TMEM161B: variants seen among roughly 807,000 people sequenced by gnomAD.
TMEM161B encodes transmembrane protein 161B.
Under a neutral mutation model 61.8 loss-of-function variants are expected in TMEM161B, and 34 were observed. The observed-to-expected ratio is 0.55, with a 90% CI of 0.42 to 0.73. TMEM161B has a LOEUF of 0.73. Ranked by LOEUF, TMEM161B falls within the 30% of genes least tolerant of loss-of-function variation. The probability of loss-of-function intolerance (pLI) is 0.00; values close to 1 mark genes in which losing one functional copy is unlikely to be tolerated. For missense variants in TMEM161B, 456 were observed against 558.5 expected, an observed-to-expected ratio of 0.82 and a Z score of 1.85; for synonymous variants, 167 against 192.8, an observed-to-expected ratio of 0.87 and a Z score of 1.11.
Position 88,196,114 on chromosome 5 carries a change from A to C in TMEM161B, c.*97T>G. On this transcript the variant is annotated 3_prime_UTR_variant, in exon 12 of 12. Coordinates refer to ENST00000296595, the MANE Select transcript of TMEM161B (RefSeq NM_153354.5). ...CATTCTGATATGTTTTTTTTTTCCC[A>C]TTGTATTTGCTTTCTTCTGGTTTTC... 2.0e-6 allele frequency: 3 copies of C among 1,470,066 alleles called. No individual in the cohort carries two copies. The highest frequency in any genetic ancestry group is 2.7e-6 in the Non-Finnish European group (3 of 1,112,958). The allele number at this position is 1,470,066 out of a possible 1,614,324, so 91.1% of individuals were successfully genotyped here.
chr5:88,185,709 A>G (rs979017087), downstream of TMEM161B, among the ~76,000 whole-genome samples: 1 of 152,214 alleles, frequency 6.6e-6, no homozygotes, highest in Non-Finnish European at 1.5e-5. Flanking sequence ...TGAATTAGTT[A>G]AATACCAGAC....
downstream of TMEM161B, among the ~76,000 whole-genome samples, chr5:88,186,727 C>T (rs982664452): frequency 5.3e-5 from 8 of 151,764 alleles, no homozygotes; most frequent in South Asian, 1.0e-3. Context: ...GTCAGAAGTT[C>T]GAGACCAGCC....
chr5:88,201,805 C>G (rs111417276), intron 9 of TMEM161B: 2,426 of 162,564 alleles, frequency 0.015, 27 homozygotes, highest in East Asian at 0.028. Flanking sequence ...TGTGTGTCGG[C>G]GGCGGGGAAG....
At chr5:88,267,437 G>A (rs992372706) in intron 1 of TMEM161B, among the ~76,000 whole-genome samples, 2 of 152,040 alleles carry the variant, frequency 1.3e-5, no homozygotes, top group African/African-American at 2.4e-5. Context: ...ATTCAGCTAA[G>A]TTTCTAAAAG....
chr5:88,252,893 GT>G (rs1754517808), intron 1 of TMEM161B, among the ~76,000 whole-genome samples: 1 of 152,142 alleles, frequency 6.6e-6, no homozygotes, highest in African/African-American at 2.4e-5. Flanking sequence ...AGATATTTAG[GT>G]TTACTAAGTG....
At chr5:88,253,997 T>C (rs1258939997) in intron 1 of TMEM161B, among the ~76,000 whole-genome samples, 1 of 151,528 alleles carries the variant, frequency 6.6e-6, no homozygotes, top group Admixed American at 6.6e-5. Context: ...AGAATACATA[T>C]ATATATAAAA....
At chr5:88,221,559 G>A in intron 4 of TMEM161B, 1 of 370,072 alleles carries the variant, frequency 2.7e-6, no homozygotes, top group Non-Finnish European at 5.3e-6. Context: ...CTGCAAAAAA[G>A]TTTATAAAAT....
chr5:88,203,957 G>A (rs996833219), intron 8 of TMEM161B, among the ~76,000 whole-genome samples: 2 of 151,224 alleles, frequency 1.3e-5, no homozygotes, highest in African/African-American at 2.4e-5. Flanking sequence ...TAGAAAAAAC[G>A]CAAATTCTTC....
chr5:88,224,454 T>C (rs1011319819), intron 4 of TMEM161B, among the ~76,000 whole-genome samples: 48 of 152,328 alleles, frequency 3.2e-4, no homozygotes, highest in African/African-American at 1.1e-3. Flanking sequence ...ACTAGAATCA[T>C]TGTCATTATA....
At chr5:88,244,251 G>C (rs549515895) in intron 1 of TMEM161B, among the ~76,000 whole-genome samples, 1 of 151,938 alleles carries the variant, frequency 6.6e-6, no homozygotes, top group South Asian at 2.1e-4. Context: ...ATCTTCCAGG[G>C]TTTTTATTGG....
intron 1 of TMEM161B, among the ~76,000 whole-genome samples, chr5:88,242,566 G>A (rs148846059): frequency 1.7e-3 from 252 of 146,212 alleles, no homozygotes; most frequent in African/African-American, 5.9e-3. Context: ...TGAGTTAGAA[G>A]CTGGTCTCCA....
rs559606678 is a variant in TMEM161B at position 88,243,927 on chromosome 5, C to CT, written c.4-3012dup. ...GGTGTCTGTTTGTGTTCCTTGCCCA[C>CT]TTTTTTTGAAAGGTATCTGTTCATG... On this transcript the variant is annotated intron_variant, in intron 1 of 11. Transcript: ENST00000296595. Among the ~76,000 whole-genome samples the CT allele has an allele frequency of 2.7e-3, 404 of 151,966 alleles. 2 individuals carry two copies. The Middle Eastern group carries it at 0.027, about 10-fold the overall frequency.
chr5:88,256,234 T>C (rs1348043988), intron 1 of TMEM161B, among the ~76,000 whole-genome samples: 3 of 152,314 alleles, frequency 2.0e-5, no homozygotes, highest in East Asian at 3.9e-4. Flanking sequence ...ATATCTCATA[T>C]AAAGCAATGC....
chr5:88,213,491 TAACCA>T (rs1406022110), intron 5 of TMEM161B, among the ~76,000 whole-genome samples: 3 of 152,080 alleles, frequency 2.0e-5, no homozygotes, highest in Non-Finnish European at 4.4e-5. Context: ...AGCCTCAACC[TAACCA>T]GACTGTGAAG....
Position 88,199,083 on chromosome 5 carries a change from C to T in TMEM161B, c.982G>A (p.Ala328Thr). ...GCTTGCAGGTGACTACGCATCATGGCCAACCGCAAAGCACACAGCAGGATT... is the reference window on the plus strand; with the variant it reads ...GCTTGCAGGTGACTACGCATCATGGTCAACCGCAAAGCACACAGCAGGATT... The part of the protein sequence containing the change: ...LIILLCALRL[A>T]MMRSHLQAYL... The change falls in exon 10 of 12, where the codon GCC becomes ACC. Residue 328 changes from alanine to threonine, a missense_variant. Ala to Thr is a moderately conservative substitution (Grantham distance 58, BLOSUM62 0). Coordinates refer to ENST00000296595, the MANE Select transcript of TMEM161B (RefSeq NM_153354.5). 6.2e-7 allele frequency: 1 copy of T among 1,612,980 alleles called. No homozygotes were observed. The highest frequency in any genetic ancestry group is 8.5e-7 in the Non-Finnish European group (1 of 1,179,398).
At chr5:88,244,941 C>A (rs547198784) in intron 1 of TMEM161B, among the ~76,000 whole-genome samples, 1 of 151,738 alleles carries the variant, frequency 6.6e-6, no homozygotes, top group East Asian at 1.9e-4. Context: ...TGGCTCTCAA[C>A]TTGGAGTTGA....
At chr5:88,247,665 A>G (rs1753787372) in intron 1 of TMEM161B, among the ~76,000 whole-genome samples, 1 of 152,222 alleles carries the variant, frequency 6.6e-6, no homozygotes, top group South Asian at 2.1e-4. Context: ...ATTTCAACCC[A>G]AGTTCACATA....
At chr5:88,259,769 G>C (rs1580734337) in intron 1 of TMEM161B, among the ~76,000 whole-genome samples, 1 of 152,162 alleles carries the variant, frequency 6.6e-6, no homozygotes, top group Non-Finnish European at 1.5e-5. Flanking sequence ...TATATTAGGT[G>C]TTAACTAGGT....
Position 88,195,832 on chromosome 5 carries a change from T to C in TMEM161B, c.*379A>G, listed in dbSNP as rs369119268. ...AAGATTGTTCTATAGGCAGCCACTA[T>C]GACTATCAACAGTACCATAAAACCA... On this transcript the variant is annotated 3_prime_UTR_variant, in exon 12 of 12. Transcript: ENST00000296595. 9 of 1,001,730 alleles carry C rather than the reference T, an allele frequency of 9.0e-6. No individual in the cohort carries two copies. The highest frequency in any genetic ancestry group is 8.7e-5 in the African/African-American group (5 of 57,500). 62.1% of individuals were successfully genotyped at this position (1,001,730 alleles called of 1,614,324 possible).
Sources: allele counts gnomAD v4.1 joint callset (sites outside exome capture counted in the v4.1 genomes callset), GRCh38; gene constraint gnomAD v4.1.1; transcripts MANE v1.5; gene names NCBI Gene and HGNC (gene_info 2026-07-23, HGNC 2026-07-21).